The following MAPKAP1 variants were observed in gnomAD, a reference collection of about 807,000 sequenced individuals.
MAPKAP1 encodes the protein target of rapamycin complex 2 subunit MAPKAP1.
A neutral mutation model predicts 65.7 loss-of-function variants in MAPKAP1; 20 were observed. The ratio of observed to expected loss-of-function variants is 0.30; its 90% CI spans 0.21 to 0.44. The LOEUF (loss-of-function observed/expected upper bound fraction) is 0.44. Among genes scored for constraint, MAPKAP1 ranks in the 20% least tolerant of loss-of-function variants. The probability of loss-of-function intolerance (pLI) is 1.00; values close to 1 mark genes in which losing one functional copy is unlikely to be tolerated. For missense variants in MAPKAP1, 423 were observed against 648.0 expected, an observed-to-expected ratio of 0.65 and a Z score of 3.77; for synonymous variants, 222 against 244.3, an observed-to-expected ratio of 0.91 and a Z score of 0.85.
chr9:125,664,997 TG>T (rs1258206311), intron 3 of MAPKAP1, among the ~76,000 whole-genome samples: 4 of 152,042 alleles, frequency 2.6e-5, no homozygotes, highest in Non-Finnish European at 4.4e-5. Flanking sequence ...GCTAATTTAC[TG>T]GCTTTGAATG....
intron 1 of MAPKAP1, among the ~76,000 whole-genome samples, chr9:125,674,908 C>T (rs1309751248): frequency 2.0e-5 from 3 of 152,104 alleles, no homozygotes; most frequent in Non-Finnish European, 2.9e-5. Flanking sequence ...CATCAAATTT[C>T]TGAGATATCT....
chr9:125,509,963 C>T (rs1829252013), intron 7 of MAPKAP1, among the ~76,000 whole-genome samples: 1 of 152,192 alleles, frequency 6.6e-6, no homozygotes, highest in East Asian at 1.9e-4. Context: ...GCAGATATTT[C>T]TATTAAAATT....
intron 7 of MAPKAP1, chr9:125,521,629 CCAGAGTGA>C (rs1296213029): frequency 5.9e-6 from 9 of 1,525,874 alleles, no homozygotes; most frequent in Non-Finnish European, 7.9e-6. Context: ...GACAGTAAAT[CCAGAGTGA>C]CAGAATTTCC....
chr9:125,607,506 G>A lies in MAPKAP1; in HGVS notation c.499-21779C>T, dbSNP rs376859111. On this transcript the variant is annotated intron_variant, in intron 4 of 11. Transcript: ENST00000265960. ...TATTTTAGAGTTGAAATGGAAGCTT[G>A]CAGAAATGAAGCAACATGCCCAAAG... is the stretch of plus-strand genomic sequence containing the variant. Among the ~76,000 whole-genome samples the A allele has an allele frequency of 6.6e-5, 10 of 152,336 alleles. No homozygotes were observed. The East Asian group carries it at 1.3e-3, about 21-fold the overall frequency.
chr9:125,625,267 A>ATAAAT (rs745712709), intron 4 of MAPKAP1, among the ~76,000 whole-genome samples: 1 of 142,142 alleles, frequency 7.0e-6, no homozygotes, highest in South Asian at 2.3e-4. Flanking sequence ...AAAAAAAAAA[A>ATAAAT]AAAAAAAAAA....
At chr9:125,668,779 GA>G (rs1404880332) in intron 3 of MAPKAP1, among the ~76,000 whole-genome samples, 2 of 152,168 alleles carry the variant, frequency 1.3e-5, no homozygotes, top group Non-Finnish European at 2.9e-5. Flanking sequence ...TACACTAAGG[GA>G]AAAGAATTTG....
At chr9:125,548,372 G>A (rs1236179956) in intron 6 of MAPKAP1, among the ~76,000 whole-genome samples, 3 of 152,196 alleles carry the variant, frequency 2.0e-5, no homozygotes, top group Non-Finnish European at 2.9e-5. Flanking sequence ...AGGTGAGAGG[G>A]TCCGGGAAGC....
rs1282958283 is a variant in MAPKAP1, at chr9:125,464,208, A to T, written c.1345+3764T>A. On this transcript the variant is annotated intron_variant, in intron 10 of 11. Coordinates refer to ENST00000265960, the MANE Select transcript of MAPKAP1 (RefSeq NM_001006617.3). ...GTGAGACCCTGTCTCATATATTAAA[A>T]AAAAAAAAAAAAAAAAAAAAAAAAA... Among the ~76,000 whole-genome samples the T allele has an allele frequency of 8.9e-4, 127 of 143,240 alleles. 6 individuals carry two copies. Among genetic ancestry groups the T allele is most frequent in the African/African-American group, 3.3e-3 (119 of 36,492 alleles). 94.0% of individuals were successfully genotyped at this position (143,240 alleles called of 152,430 possible).
chr9:125,615,041 A>C lies in MAPKAP1; in HGVS notation c.499-29314T>G, dbSNP rs545328882. Among the ~76,000 whole-genome samples the C allele has an allele frequency of 2.6e-5, 4 of 152,324 alleles. No homozygotes were observed. In the South Asian group the frequency reaches 8.3e-4, roughly 32 times the overall value. On this transcript the variant is annotated intron_variant, in intron 4 of 11. Coordinates refer to ENST00000265960, the MANE Select transcript of MAPKAP1 (RefSeq NM_001006617.3). ...GGTATAAGTTAATGGAAGTTATAGG[A>C]GTTTATTAAGGTTACTGACATTAAA...
intron 1 of MAPKAP1, among the ~76,000 whole-genome samples, chr9:125,680,935 A>AGAAACACAAGT (rs1291242371): frequency 1.3e-5 from 2 of 152,264 alleles, no homozygotes; most frequent in Non-Finnish European, 2.9e-5. Flanking sequence ...TTCATTAGGC[A>AGAAACACAAGT]GAAACACAAG....
chr9:125,498,063 T>C (rs1828860738), intron 8 of MAPKAP1, among the ~76,000 whole-genome samples: 1 of 152,232 alleles, frequency 6.6e-6, no homozygotes, highest in African/African-American at 2.4e-5. Context: ...TGGGCTTCCT[T>C]CTGGTATGAT....
intron 5 of MAPKAP1, among the ~76,000 whole-genome samples, chr9:125,567,137 T>A (rs909465564): frequency 2.0e-5 from 3 of 152,130 alleles, no homozygotes; most frequent in Non-Finnish European, 4.4e-5. Flanking sequence ...ACTCCCAGAA[T>A]CTGTCCACTT....
At chr9:125,505,420 G>A (rs181314526) in intron 8 of MAPKAP1, among the ~76,000 whole-genome samples, 8 of 144,440 alleles carry the variant, frequency 5.5e-5, no homozygotes, top group Admixed American at 3.4e-4. Flanking sequence ...GCGAGACTCC[G>A]TCTCAAAAAA....
At chr9:125,631,748 T>C (rs922097740) in intron 4 of MAPKAP1, among the ~76,000 whole-genome samples, 2 of 152,182 alleles carry the variant, frequency 1.3e-5, no homozygotes, top group African/African-American at 2.4e-5. Context: ...ACTACTTTCA[T>C]TGCCCAGAAT....
intron 1 of MAPKAP1, among the ~76,000 whole-genome samples, chr9:125,706,099 T>G (rs1564625509): frequency 6.6e-6 from 1 of 152,170 alleles, no homozygotes; most frequent in Non-Finnish European, 1.5e-5. Flanking sequence ...AAACAATTAT[T>G]GCTTCATCAA....
chr9:125,477,674 G>A (rs1404991809), intron 9 of MAPKAP1, among the ~76,000 whole-genome samples: 2 of 152,158 alleles, frequency 1.3e-5, no homozygotes, highest in South Asian at 2.1e-4. Flanking sequence ...GCTTCTGCCA[G>A]CCAGCCAACA....
chr9:125,490,305 C>G (rs956282009), intron 8 of MAPKAP1, among the ~76,000 whole-genome samples: 1 of 152,098 alleles, frequency 6.6e-6, no homozygotes, highest in East Asian at 1.9e-4. Context: ...TTTGGGAGGC[C>G]GAGGTGGGTG....
intron 7 of MAPKAP1, among the ~76,000 whole-genome samples, chr9:125,515,393 T>G (rs1829430881): frequency 6.6e-6 from 1 of 152,224 alleles, no homozygotes; most frequent in African/African-American, 2.4e-5. Context: ...TACAAAGTGC[T>G]GTTATCTTGG....
At chr9:125,644,079 C>T (rs1833655243) in intron 4 of MAPKAP1, among the ~76,000 whole-genome samples, 1 of 152,182 alleles carries the variant, frequency 6.6e-6, no homozygotes, top group African/African-American at 2.4e-5. Context: ...AAGCATTCAG[C>T]CTTCCCCAAA....
Sources: gnomAD v4.1 joint callset for allele counts (sites outside exome capture counted in the v4.1 genomes callset) on GRCh38, gnomAD v4.1.1 for gene constraint, MANE v1.5 for transcripts, NCBI Gene and HGNC (gene_info 2026-07-23, HGNC 2026-07-21) for gene names.